The following ADGRL4 variants were observed in gnomAD, a reference collection of about 807,000 sequenced individuals.
The protein encoded by ADGRL4 is EGF, latrophilin and seven transmembrane domain containing 1.
In ADGRL4, 90 loss-of-function variants were observed where a neutral mutation model predicts 74.8. The observed-to-expected ratio is 1.20, with a 90% CI of 1.02 to 1.43. ADGRL4 has a LOEUF of 1.43. ADGRL4 is among the 40% of genes most tolerant of loss of function. The probability of loss-of-function intolerance (pLI) is 0.00; values close to 1 mark genes in which losing one functional copy is unlikely to be tolerated. For synonymous variants in ADGRL4, 311 were observed against 279.2 expected, an observed-to-expected ratio of 1.11 and a Z score of -1.14; for missense variants, 881 against 814.3, an observed-to-expected ratio of 1.08 and a Z score of -1.00.
intron 12 of ADGRL4, among the ~76,000 whole-genome samples, chr1:78,903,742 T>C (rs1344700315): frequency 6.6e-6 from 1 of 151,874 alleles, no homozygotes; most frequent in African/African-American, 2.4e-5. Flanking sequence ...GAGACCATCT[T>C]GGCCAACATG....
In ADGRL4 at chr1:78,985,796, TGG is replaced by T. The variant is rs1360574475; in HGVS notation, c.172+19272_172+19273del. 2.0e-4 allele frequency among the ~76,000 whole-genome samples: 31 copies of T among 151,926 alleles called. No homozygotes were observed. In the South Asian group the frequency reaches 5.6e-3, roughly 27 times the overall value. On this transcript the variant is annotated intron_variant, in intron 2 of 14. Coordinates refer to ENST00000370742, the MANE Select transcript of ADGRL4 (RefSeq NM_022159.4). ...ACCTAAATGCTCATCAGTGGTAGAC[TGG>T]ATAAAGAAAATGTGGTATATACACA...
chr1:78,904,790 A>G (rs1032894654), intron 12 of ADGRL4, among the ~76,000 whole-genome samples: 1 of 152,062 alleles, frequency 6.6e-6, no homozygotes, highest in Admixed American at 6.6e-5. Context: ...TGTGGATAGT[A>G]TTAGTACTTA....
At position 78,889,945 on chromosome 1, in the gene ADGRL4, A is replaced by C. The variant is rs562012453; in HGVS notation, c.*1209T>G. 3 of 356,130 alleles carry C rather than the reference A, an allele frequency of 8.4e-6. No homozygotes were observed. In the East Asian group the frequency reaches 2.6e-4, roughly 30 times the overall value. 22.1% of individuals were successfully genotyped at this position (356,130 alleles called of 1,614,324 possible). ...TATACATTTTAATGAGAAGATTTAA[A>C]GACAGATAGAAGCTATATATTTAAG... On this transcript the variant is annotated 3_prime_UTR_variant, in exon 15 of 15. Transcript: ENST00000370742.
intron 2 of ADGRL4, among the ~76,000 whole-genome samples, chr1:78,956,971 A>G (rs1173111635): frequency 6.6e-6 from 1 of 152,162 alleles, no homozygotes; most frequent in Non-Finnish European, 1.5e-5. Flanking sequence ...AGTCTGTGTC[A>G]TATTTTGGCA....
chr1:78,950,544 A>G (rs768328632), intron 2 of ADGRL4, among the ~76,000 whole-genome samples: 1 of 152,174 alleles, frequency 6.6e-6, no homozygotes, highest in Non-Finnish European at 1.5e-5. Context: ...CAAGGCTTGA[A>G]CTAACCAAAA....
chr1:78,891,728 TA>T, intron 13 of ADGRL4, 36 bp from the exon 14 acceptor site: 1 of 1,567,640 alleles, frequency 6.4e-7, no homozygotes, highest in Non-Finnish European at 8.7e-7. Flanking sequence ...TGAAGAAAGC[TA>T]CGTATAGTCA....
chr1:78,956,727 G>C (rs747907319), intron 2 of ADGRL4, among the ~76,000 whole-genome samples: 15 of 152,150 alleles, frequency 9.9e-5, no homozygotes, highest in Non-Finnish European at 1.9e-4. Context: ...CCTAATGTTT[G>C]AGAAAACAAC....
chr1:78,987,900 C>CT (rs1467031964), intron 2 of ADGRL4, among the ~76,000 whole-genome samples: 1 of 151,454 alleles, frequency 6.6e-6, no homozygotes, highest in Non-Finnish European at 1.5e-5. Context: ...GCTCTATTGT[C>CT]TTTTTTTAAT....
intron 12 of ADGRL4, among the ~76,000 whole-genome samples, chr1:78,895,923 G>A (rs888814910): frequency 6.6e-6 from 1 of 152,092 alleles, no homozygotes; most frequent in African/African-American, 2.4e-5. Flanking sequence ...GAAAGCACCA[G>A]GTAGTTGTTT....
chr1:78,933,590 C>T lies in ADGRL4; in HGVS notation c.877+2705G>A, dbSNP rs905283158. Among the ~76,000 whole-genome samples, 4 of 151,154 alleles carry T rather than the reference C, an allele frequency of 2.6e-5. No homozygotes were observed. The South Asian group carries it at 8.3e-4, about 31-fold the overall frequency. ...GGGAGTTCTGGCCAGGGCAATCAGG[C>T]AAGAGAAAGAAATAGAGGGTATTCA... On this transcript the variant is annotated intron_variant, in intron 7 of 14. Transcript: ENST00000370742.
At chr1:78,930,769 T>C (rs1171059687) in intron 7 of ADGRL4, among the ~76,000 whole-genome samples, 1 of 151,382 alleles carries the variant, frequency 6.6e-6, no homozygotes, top group Non-Finnish European at 1.5e-5. Flanking sequence ...GATTTCTTTT[T>C]AGAAGAATCA....
At chr1:78,962,332 T>C (rs1027239682) in intron 2 of ADGRL4, among the ~76,000 whole-genome samples, 1 of 152,142 alleles carries the variant, frequency 6.6e-6, no homozygotes, top group Non-Finnish European at 1.5e-5. Context: ...CCACATATGA[T>C]TTCTCTCTGC....
chr1:78,985,400 A>G (rs1650472920), intron 2 of ADGRL4, among the ~76,000 whole-genome samples: 1 of 151,806 alleles, frequency 6.6e-6, no homozygotes, highest in Admixed American at 6.6e-5. Context: ...TGCAATAAGT[A>G]TATATTACTT....
At chr1:78,966,683 A>G (rs1650063620) in intron 2 of ADGRL4, among the ~76,000 whole-genome samples, 1 of 152,028 alleles carries the variant, frequency 6.6e-6, no homozygotes, top group Non-Finnish European at 1.5e-5. Flanking sequence ...AATGCCACGC[A>G]TTCACATCTT....
chr1:78,952,014 A>C (rs1385440457), intron 2 of ADGRL4, among the ~76,000 whole-genome samples: 2 of 152,212 alleles, frequency 1.3e-5, no homozygotes, highest in Non-Finnish European at 2.9e-5. Context: ...ACTGGTATTC[A>C]AGAATCTCAA....
intron 2 of ADGRL4, among the ~76,000 whole-genome samples, chr1:78,986,826 G>A (rs911907194): frequency 6.6e-6 from 1 of 151,598 alleles, no homozygotes; most frequent in African/African-American, 2.4e-5. Flanking sequence ...AATAATCTAA[G>A]TTAAAACCTC....
At position 78,937,864 on chromosome 1, in the gene ADGRL4, T is replaced by C. The variant is rs768055018; in HGVS notation, c.703A>G (p.Arg235Gly). 1 of 1,614,008 alleles carries C rather than the reference T, an allele frequency of 6.2e-7. No homozygotes were observed. Among genetic ancestry groups the C allele is most frequent in the Non-Finnish European group, 8.5e-7 (1 of 1,179,930 alleles). ...GTCTTTTGGAAGCTCTGGGATATCC[T>C]TAAAGTAGCTTGTTCAACAGTGTGC... is the stretch of plus-strand genomic sequence containing the variant. ...LMHTVEQATL[R>G]ISQSFQKTTE... Residue 235 changes from arginine (R) to glycine (G), a missense_variant, in exon 6 of 15, where the codon AGG (arginine) becomes GGG (glycine). Physicochemically the swap from Arg to Gly is moderately radical, Grantham distance 125. Coordinates refer to ENST00000370742, the MANE Select transcript of ADGRL4 (RefSeq NM_022159.4).
At chr1:78,959,708 A>T (rs1426586643) in intron 2 of ADGRL4, among the ~76,000 whole-genome samples, 1 of 152,184 alleles carries the variant, frequency 6.6e-6, no homozygotes, top group Non-Finnish European at 1.5e-5. Context: ...GGACTCATTT[A>T]TTCTAACATT....
intron 2 of ADGRL4, among the ~76,000 whole-genome samples, chr1:78,970,378 T>C (rs1650145443): frequency 6.6e-6 from 1 of 152,200 alleles, no homozygotes; most frequent in Non-Finnish European, 1.5e-5. Context: ...GTCATGCTAG[T>C]ATCTGTAGCA....
Sources: allele counts gnomAD v4.1 joint callset (sites outside exome capture counted in the v4.1 genomes callset), GRCh38; gene constraint gnomAD v4.1.1; transcripts MANE v1.5; gene names NCBI Gene and HGNC (gene_info 2026-07-23, HGNC 2026-07-21).